The following SLC10A7 variants were observed in gnomAD, a reference collection of about 807,000 sequenced individuals.
The protein encoded by SLC10A7 is solute carrier family 10 member 7.
Under a neutral mutation model 43.2 loss-of-function variants are expected in SLC10A7, and 29 were observed. The observed-to-expected ratio is 0.67, with a 90% CI of 0.50 to 0.92. SLC10A7 has a LOEUF of 0.92. SLC10A7 is among the 40% of genes least tolerant of loss of function. The pLI, the probability that SLC10A7 is intolerant of heterozygous loss-of-function variation, is 0.00. For synonymous variants in SLC10A7, 152 were observed against 144.8 expected (o/e 1.05, Z -0.35); for missense variants, 295 against 403.2 (o/e 0.73, Z 2.30).
At position 146,292,955 on chromosome 4, in the gene SLC10A7, C is replaced by G. The variant is rs1345189364; in HGVS notation, c.747G>C (p.Met249Ile). The G allele has an allele frequency of 6.3e-7, 1 of 1,589,640 alleles. No individual in the cohort carries two copies. Among genetic ancestry groups the G allele is most frequent in the Middle Eastern group, 1.7e-4 (1 of 6,008 alleles). Residue 249 changes from methionine to isoleucine, a missense_variant, in exon 9 of 12, where the codon ATG becomes ATC. Met to Ile is a conservative substitution (Grantham distance 10, BLOSUM62 1). Transcript: ENST00000335472. ...FIIFSIQLSF[M>I]LLTFIFSTRN... ...TTGTTGAAAAGATGAAAGTTAAAAG[C>G]ATAAAACTCAGCTGGATAGAAAATA...
At chr4:146,363,075 T>C (rs1736159824) in intron 5 of SLC10A7, among the ~76,000 whole-genome samples, 2 of 152,076 alleles carry the variant, frequency 1.3e-5, no homozygotes, top group Non-Finnish European at 2.9e-5. Context: ...AGTGGCTAAG[T>C]AGATTTTTTA....
chr4:146,468,851 T>C (rs1167432858), intron 4 of SLC10A7, among the ~76,000 whole-genome samples: 1 of 152,142 alleles, frequency 6.6e-6, no homozygotes. Context: ...GGGTACTTCT[T>C]TGTTAATATT....
intron 4 of SLC10A7, among the ~76,000 whole-genome samples, chr4:146,462,939 A>G (rs1732672440): frequency 6.6e-6 from 1 of 152,198 alleles, no homozygotes; most frequent in Non-Finnish European, 1.5e-5. Context: ...ATGTAAGTTC[A>G]GATTCTTCAA....
intron 5 of SLC10A7, among the ~76,000 whole-genome samples, chr4:146,432,910 C>T (rs1164088866): frequency 1.3e-5 from 2 of 151,480 alleles, no homozygotes; most frequent in East Asian, 2.0e-4. Flanking sequence ...TGGTGGTACG[C>T]GCCTGTAGTC....
intron 5 of SLC10A7, among the ~76,000 whole-genome samples, chr4:146,343,230 A>G (rs1301318944): frequency 6.6e-6 from 1 of 152,088 alleles, no homozygotes; most frequent in African/African-American, 2.4e-5. Context: ...TATTTTCCCC[A>G]GACATGACTG....
intron 4 of SLC10A7, among the ~76,000 whole-genome samples, chr4:146,450,158 T>C (rs1392822539): frequency 2.0e-5 from 3 of 152,188 alleles, no homozygotes; most frequent in African/African-American, 7.2e-5. Context: ...TCTGCATCTG[T>C]GGATTCAACC....
At chr4:146,309,959 C>A (rs77107080) in intron 6 of SLC10A7, among the ~76,000 whole-genome samples, 3,734 of 152,178 alleles carry the variant, frequency 0.025, 77 homozygotes, top group Non-Finnish European at 0.035. Flanking sequence ...GTTTTCAACC[C>A]TTGTCCCCTT....
At chr4:146,373,035 T>C (rs540533875) in intron 5 of SLC10A7, among the ~76,000 whole-genome samples, 2 of 152,338 alleles carry the variant, frequency 1.3e-5, no homozygotes, top group African/African-American at 2.4e-5. Context: ...CACAAAATAA[T>C]GGTTTATTTC....
intron 5 of SLC10A7, among the ~76,000 whole-genome samples, chr4:146,336,536 C>T (rs1222237471): frequency 1.3e-5 from 2 of 152,044 alleles, no homozygotes; most frequent in East Asian, 1.9e-4. Context: ...GTTGATTCTG[C>T]TCCTTCCCTT....
chr4:146,338,469 G>A (rs555220856), intron 5 of SLC10A7, among the ~76,000 whole-genome samples: 1 of 152,014 alleles, frequency 6.6e-6, no homozygotes, highest in African/African-American at 2.4e-5. Flanking sequence ...ATGCAGTCTG[G>A]TTCCAGAATC....
In SLC10A7 at chr4:146,497,793, T is replaced by TG. The variant is rs1169491665; in HGVS notation, c.396+6055_396+6056insC. Among the ~76,000 whole-genome samples, 8 of 151,914 alleles carry TG rather than the reference T, an allele frequency of 5.3e-5. No individual in the cohort carries two copies. In the East Asian group the frequency reaches 1.5e-3, roughly 29 times the overall value. On this transcript the variant is annotated intron_variant, in intron 4 of 11. Transcript: ENST00000335472. ...GGAATAATTTTCTAGTTTCTTTAAA[T>TG]TTTTTTTTCTTTTATAAAGGAATCC...
intron 5 of SLC10A7, among the ~76,000 whole-genome samples, chr4:146,341,791 A>G (rs899884516): frequency 6.6e-6 from 1 of 151,862 alleles, no homozygotes; most frequent in African/African-American, 2.4e-5. Context: ...TTATAACACT[A>G]GTTTTTTATT....
chr4:146,417,870 G>A (rs1011857688), intron 5 of SLC10A7, among the ~76,000 whole-genome samples: 4 of 152,090 alleles, frequency 2.6e-5, no homozygotes, highest in Non-Finnish European at 5.9e-5. Flanking sequence ...AACCTCTAGT[G>A]TTCCCTTAAG....
intron 5 of SLC10A7, among the ~76,000 whole-genome samples, chr4:146,355,264 T>C (rs2149753034): frequency 6.6e-6 from 1 of 152,296 alleles, no homozygotes; most frequent in East Asian, 1.9e-4. Flanking sequence ...AAGACATTTA[T>C]GCAGCCAAAA....
chr4:146,496,232 T>C (rs1488462889), intron 4 of SLC10A7, among the ~76,000 whole-genome samples: 1 of 152,212 alleles, frequency 6.6e-6, no homozygotes, highest in Admixed American at 6.5e-5. Context: ...TTCTGAATAC[T>C]GTAATATCAC....
rs1021126830 is a variant in SLC10A7 at position 146,468,472 on chromosome 4, A to T, written c.397-25651T>A. ...ATTTATTTATTCTAACTTATATTTT[A>T]ATTTTTTTTTTTTTTGAGATGGAGT... On this transcript the variant is annotated intron_variant, in intron 4 of 11. Coordinates refer to ENST00000335472, the MANE Select transcript of SLC10A7 (RefSeq NM_001029998.6). 4.0e-5 allele frequency among the ~76,000 whole-genome samples: 3 copies of T among 74,584 alleles called. No homozygotes were observed. The East Asian group carries it at 9.7e-4, about 24-fold the overall frequency. 48.9% of individuals were successfully genotyped at this position (74,584 alleles called of 152,430 possible).
chr4:146,407,537 C>T (rs968853921), intron 5 of SLC10A7, among the ~76,000 whole-genome samples: 1 of 152,220 alleles, frequency 6.6e-6, no homozygotes, highest in African/African-American at 2.4e-5. Flanking sequence ...ATTTCCCCCA[C>T]ATTCCAGAAG....
At chr4:146,400,119 A>C (rs750999274) in intron 5 of SLC10A7, among the ~76,000 whole-genome samples, 1 of 152,180 alleles carries the variant, frequency 6.6e-6, no homozygotes, top group Non-Finnish European at 1.5e-5. Context: ...CCCAGGAGAA[A>C]GAGGTATCAT....
At chr4:146,333,726 C>A (rs532606805) in intron 5 of SLC10A7, among the ~76,000 whole-genome samples, 1 of 152,106 alleles carries the variant, frequency 6.6e-6, no homozygotes, top group East Asian at 1.9e-4. Flanking sequence ...TTGGGCTTCA[C>A]TTCAAAGCAA....
Sources: allele counts gnomAD v4.1 joint callset (sites outside exome capture counted in the v4.1 genomes callset), GRCh38; gene constraint gnomAD v4.1.1; transcripts MANE v1.5; gene names NCBI Gene and HGNC (gene_info 2026-07-23, HGNC 2026-07-21).